Variants in SLC25A24 observed in about 807,000 individuals in gnomAD.
SLC25A24 encodes the protein solute carrier family 25 member 24, also known as mitochondrial adenyl nucleotide antiporter SLC25A24.
Under a neutral mutation model 60.7 loss-of-function variants are expected in SLC25A24, and 49 were observed. The ratio of observed to expected loss-of-function variants is 0.81; its 90% CI spans 0.64 to 1.02. The LOEUF is 1.02. SLC25A24 is among the 50% of genes least tolerant of loss of function. SLC25A24 has a pLI of 0.00. For synonymous variants in SLC25A24, 202 were observed against 200.6 expected, an observed-to-expected ratio of 1.01 and a Z score of -0.06; for missense variants, 564 against 586.3, an observed-to-expected ratio of 0.96 and a Z score of 0.39.
At chr1:108,162,456 T>G (rs1399044031) in intron 3 of SLC25A24, among the ~76,000 whole-genome samples, 5 of 149,700 alleles carry the variant, frequency 3.3e-5, no homozygotes, top group Non-Finnish European at 7.4e-5. Context: ...CCAGCACCTG[T>G]TGTTTCCTGA....
chr1:108,185,964 A>C lies in SLC25A24; in HGVS notation c.184-10T>G. 1 of 1,558,436 alleles carries C rather than the reference A, an allele frequency of 6.4e-7. No individual in the cohort carries two copies. Among genetic ancestry groups the C allele is most frequent in the Non-Finnish European group, 8.7e-7 (1 of 1,150,098 alleles). ...CAGTAGTAAAAATTTTCTATAAAAA[A>C]AAATTAGAGAGAAGTTATTGCCAAT... On this transcript the variant is annotated splice_polypyrimidine_tract_variant and intron_variant, in intron 1 of 9. Coordinates refer to ENST00000565488, the MANE Select transcript of SLC25A24 (RefSeq NM_013386.5).
At chr1:108,180,620 CTCTCTCTCTCTCTCTCTCTCTCTCT>C (rs1647887417) in intron 3 of SLC25A24, among the ~76,000 whole-genome samples, 41 of 131,930 alleles carry the variant, frequency 3.1e-4, no homozygotes, top group Non-Finnish European at 6.6e-4. Context: ...AGAAAGATCT[CTCTCTCTCTCTCTCTCTCTCTCTCT>C]CTCTCTCTCT....
chr1:108,184,947 C>T (rs1039118586), intron 2 of SLC25A24, among the ~76,000 whole-genome samples: 1 of 152,174 alleles, frequency 6.6e-6, no homozygotes, highest in East Asian at 1.9e-4. Flanking sequence ...TTTATAAATT[C>T]TCTCTTCCTG....
intron 3 of SLC25A24, among the ~76,000 whole-genome samples, chr1:108,167,230 A>G (rs1446465740): frequency 6.6e-6 from 1 of 151,004 alleles, no homozygotes; most frequent in Non-Finnish European, 1.5e-5. Context: ...TGCAGAGGTT[A>G]CTGCTGTCTT....
chr1:108,157,498 G>C lies in SLC25A24; in HGVS notation c.633C>G (p.Ser211Arg). Residue 211 changes from serine (S) to arginine (R), a missense_variant, in exon 5 of 10, where the codon AGC becomes AGG. Physicochemically the swap from Ser to Arg is moderately radical, Grantham distance 110. Transcript: ENST00000565488. ...TTTTCAGACGGTCCAAAGGGGCAGT[G>C]CTTGTTCGAGAGACAGCACCAGCAA... ...GGIAGAVSRT[S>R]TAPLDRLKIM... 1 of 1,614,174 alleles carries C rather than the reference G, an allele frequency of 6.2e-7. No homozygotes were observed. The highest frequency in any genetic ancestry group is 8.5e-7 in the Non-Finnish European group (1 of 1,180,032).
Position 108,200,305 on chromosome 1 carries a change from G to A in SLC25A24, c.-167C>T, listed in dbSNP as rs936556060. The A allele has an allele frequency of 4.1e-6, 2 of 491,368 alleles. No individual in the cohort carries two copies. Among genetic ancestry groups the A allele is most frequent in the African/African-American group, 4.1e-5 (2 of 48,738 alleles). 30.4% of individuals were successfully genotyped at this position (491,368 alleles called of 1,614,324 possible). ...GGCGCGCAGGGCGCAGGGCGCAGGA[G>A]CGGAGACCCCACCCGAGCCCGCGCG... On this transcript the variant is annotated 5_prime_UTR_variant, in exon 1 of 10. Transcript: ENST00000565488.
intron 6 of SLC25A24, among the ~76,000 whole-genome samples, chr1:108,154,266 A>G (rs1166469585): frequency 1.3e-5 from 2 of 152,130 alleles, no homozygotes; most frequent in African/African-American, 4.8e-5. Flanking sequence ...TTGATAAACA[A>G]TGATGGAATA....
chr1:108,155,294 G>C lies in SLC25A24; in HGVS notation c.670-159C>G, dbSNP rs149634691. The stretch of plus-strand genomic sequence containing the variant: ...TTGAAAAATATATATAATGATGAGA[G>C]GGAGTATTGCCATGATTTTAGAGGC... On this transcript the variant is annotated intron_variant, in intron 5 of 9. Coordinates refer to ENST00000565488, the MANE Select transcript of SLC25A24 (RefSeq NM_013386.5). Among the ~76,000 whole-genome samples, 1,393 of 151,838 alleles carry C rather than the reference G, an allele frequency of 9.2e-3. 13 individuals carry two copies. The highest frequency in any genetic ancestry group is 0.011 in the Non-Finnish European group (754 of 67,914).
At chr1:108,148,448 C>A in intron 6 of SLC25A24, 62 bp from the exon 7 acceptor site, 1 of 905,306 alleles carries the variant, frequency 1.1e-6, no homozygotes, top group Non-Finnish European at 1.8e-6. Context: ...GCACCCCCAC[C>A]AAATTCATAT....
At chr1:108,193,254 G>A (rs1237609776) in intron 1 of SLC25A24, among the ~76,000 whole-genome samples, 1 of 137,878 alleles carries the variant, frequency 7.3e-6, no homozygotes, top group Non-Finnish European at 1.6e-5. Flanking sequence ...TGTGATACTG[G>A]GGTTTGAGCT....
chr1:108,176,112 G>T (rs1254704543), intron 3 of SLC25A24, among the ~76,000 whole-genome samples: 1 of 151,780 alleles, frequency 6.6e-6, no homozygotes, highest in African/African-American at 2.4e-5. Context: ...AAAATACAAA[G>T]AAACAATTCA....
At chr1:108,197,095 G>T (rs993255553) in intron 1 of SLC25A24, among the ~76,000 whole-genome samples, 3 of 143,174 alleles carry the variant, frequency 2.1e-5, no homozygotes, top group Non-Finnish European at 4.6e-5. Flanking sequence ...GAAAAGAAAG[G>T]TCATACCAGA....
intron 1 of SLC25A24, chr1:108,199,594 A>G (rs1205936549): frequency 2.6e-6 from 1 of 388,000 alleles, no homozygotes; most frequent in East Asian, 3.9e-5. Flanking sequence ...GACCCACTGA[A>G]GTCTGACAGC....
chr1:108,156,058 C>T (rs1455479566), intron 5 of SLC25A24, among the ~76,000 whole-genome samples: 2 of 152,158 alleles, frequency 1.3e-5, no homozygotes, highest in South Asian at 2.1e-4. Flanking sequence ...GAACTCTGCA[C>T]ACCAAAGGCT....
At chr1:108,141,224 A>C (rs1679435047) in intron 8 of SLC25A24, among the ~76,000 whole-genome samples, 1 of 152,224 alleles carries the variant, frequency 6.6e-6, no homozygotes, top group Non-Finnish European at 1.5e-5. Context: ...TAAATGGGTC[A>C]CTTTACCAGG....
chr1:108,157,661 AAAT>A, intron 4 of SLC25A24, 41 bp from the exon 5 acceptor site: 1 of 1,586,470 alleles, frequency 6.3e-7, no homozygotes, highest in African/African-American at 1.4e-5. Flanking sequence ...CCTTAGTTAA[AAAT>A]AATCCCAGAA....
chr1:108,173,777 T>C (rs557718), intron 3 of SLC25A24, among the ~76,000 whole-genome samples: 30,336 of 152,130 alleles, frequency 0.2, 3,157 homozygotes, highest in Admixed American at 0.22. Flanking sequence ...AAAATGCTGA[T>C]AGTAATATGG....
chr1:108,158,208 T>C (rs558759284), intron 4 of SLC25A24, among the ~76,000 whole-genome samples: 60 of 152,322 alleles, frequency 3.9e-4, no homozygotes, highest in Non-Finnish European at 6.2e-4. Context: ...AGATTCTATA[T>C]AAAATTTAGC....
Position 108,136,536 on chromosome 1 carries a change from C to A in SLC25A24, c.*117G>T, listed in dbSNP as rs552936936. 5.4e-5 allele frequency: 45 copies of A among 825,938 alleles called. No individual in the cohort carries two copies. In the African/African-American group the frequency reaches 7.8e-4, roughly 14 times the overall value. 51.2% of individuals were successfully genotyped at this position (825,938 alleles called of 1,614,324 possible). On this transcript the variant is annotated 3_prime_UTR_variant, in exon 10 of 10. Coordinates refer to ENST00000565488, the MANE Select transcript of SLC25A24 (RefSeq NM_013386.5). ...GAAGTGACCATTGTTACCATCTTCC[C>A]TTTTGTGAAAAAAATGCAGCTTCTT...
Sources: gnomAD v4.1 joint callset for allele counts (sites outside exome capture counted in the v4.1 genomes callset) on GRCh38, gnomAD v4.1.1 for gene constraint, MANE v1.5 for transcripts, NCBI Gene and HGNC (gene_info 2026-07-23, HGNC 2026-07-21) for gene names.